The following ZNF518A variants were observed in gnomAD, a reference collection of about 807,000 sequenced individuals.
The protein encoded by ZNF518A is zinc finger protein 518A.
ZNF518A carries 47 observed loss-of-function variants against 102.7 expected under a neutral mutation model. That is an observed-to-expected ratio of 0.46 (90% confidence interval 0.36 to 0.58). The LOEUF (loss-of-function observed/expected upper bound fraction) is 0.58, where lower values mean the gene tolerates loss of function less well. ZNF518A is among the 20% of genes least tolerant of loss of function. The probability of loss-of-function intolerance (pLI) is 0.00; values close to 1 mark genes in which losing one functional copy is unlikely to be tolerated. For missense variants in ZNF518A, 1,793 were observed against 1,699.8 expected (o/e 1.05, Z -0.96); for synonymous variants, 652 against 594.6 (o/e 1.10, Z -1.40).
At chr10:96,185,297 C>G (rs1745154538) in intron 1 of ZNF518A, among the ~76,000 whole-genome samples, 1 of 152,214 alleles carries the variant, frequency 6.6e-6, no homozygotes, top group South Asian at 2.1e-4. Flanking sequence ...CTGAAGCCTA[C>G]TTCTGTCAGT....
At position 96,130,651 on chromosome 10, in the gene ZNF518A, CG is replaced by C. The variant is rs1472680757; in HGVS notation, c.-552del. Reference sequence around the variant, plus strand: ...CTATAGGTTCGCAGGCCCGACTCGACGGCGTCCCTATTGCTGGCCCAGCGTA... The same window carrying C: ...CTATAGGTTCGCAGGCCCGACTCGACGCGTCCCTATTGCTGGCCCAGCGTA... On this transcript the variant is annotated 5_prime_UTR_variant, in exon 1 of 6. Transcript: ENST00000316045. 3.3e-5 allele frequency: 5 copies of C among 152,362 alleles called. No homozygotes were observed. Among genetic ancestry groups the C allele is most frequent in the African/African-American group, 1.2e-4 (5 of 41,458 alleles). The allele number at this position is 152,362 out of a possible 1,614,324, so 9.4% of individuals were successfully genotyped here. A position where few individuals can be genotyped will look rare whatever the true frequency, so the allele number is the denominator to read the frequency against.
rs782248760 is a variant in ZNF518A, at chr10:96,197,038, C to T, written n.36-6536C>T. 6.2e-7 allele frequency: 1 copy of T among 1,612,816 alleles called. No homozygotes were observed. Among genetic ancestry groups the T allele is most frequent in the South Asian group, 1.1e-5 (1 of 90,914 alleles). On this transcript the variant is annotated intron_variant and non_coding_transcript_variant, in intron 1 of 2. Coordinates refer to the ZNF518A transcript ENST00000442635. ...TGGTTGTTTGGAATCATGGCCAGAGCTTTTCCGAATAAGAAATGATCCATC... is the reference window on the plus strand; with the variant it reads ...TGGTTGTTTGGAATCATGGCCAGAGTTTTTCCGAATAAGAAATGATCCATC...
chr10:96,156,857 T>C lies in ZNF518A; in HGVS notation c.535T>C (p.Cys179Arg). ...RRTHRSTLVK[C>R]DICNNESVYT... ...AACCCATAGAAGCACTTTAGTAAAATGTGACATTTGTAACAATGAGAGTGT... is the reference window on the plus strand; with the variant it reads ...AACCCATAGAAGCACTTTAGTAAAACGTGACATTTGTAACAATGAGAGTGT... The change falls in exon 6 of 6, where the codon TGT (cysteine) becomes CGT (arginine). Residue 179 changes from cysteine (C) to arginine (R), a missense_variant. Cys to Arg is a radical substitution (Grantham distance 180). This residue lies in a region of ZNF518A where 1,741 missense variants were observed against 1,622.6 expected (regional missense o/e 1.07). Coordinates refer to ENST00000316045, the MANE Select transcript of ZNF518A (RefSeq NM_001330736.2). 1 of 1,613,876 alleles carries C rather than the reference T, an allele frequency of 6.2e-7. No individual in the cohort carries two copies. Among genetic ancestry groups the C allele is most frequent in the Non-Finnish European group, 8.5e-7 (1 of 1,179,806 alleles).
chr10:96,146,802 C>T (rs1325104546), intron 3 of ZNF518A, among the ~76,000 whole-genome samples: 1 of 152,186 alleles, frequency 6.6e-6, no homozygotes, highest in East Asian at 1.9e-4. Flanking sequence ...ATTTTGGTGA[C>T]TATAAACACC....
At chr10:96,173,647 T>A (rs1317380129) in intron 1 of ZNF518A, among the ~76,000 whole-genome samples, 1 of 152,080 alleles carries the variant, frequency 6.6e-6, no homozygotes, top group Non-Finnish European at 1.5e-5. Flanking sequence ...CTGACAGAAT[T>A]GAAGGGAGAA....
At chr10:96,131,126 C>CA (rs1457579150) in intron 1 of ZNF518A, among the ~76,000 whole-genome samples, 4 of 152,104 alleles carry the variant, frequency 2.6e-5, no homozygotes, top group Non-Finnish European at 5.9e-5. Context: ...TAAAATAAGT[C>CA]AATGTTCAAG....
chr10:96,193,430 A>G (rs1353059648), intron 1 of ZNF518A, among the ~76,000 whole-genome samples: 1 of 152,216 alleles, frequency 6.6e-6, no homozygotes, highest in Non-Finnish European at 1.5e-5. Context: ...CAAATATCTC[A>G]TTCCGTCCCT....
chr10:96,203,299 A>G (rs1314751812), intron 1 of ZNF518A, among the ~76,000 whole-genome samples: 1 of 152,188 alleles, frequency 6.6e-6, no homozygotes, highest in African/African-American at 2.4e-5. Flanking sequence ...TTTTTTTTAA[A>G]AACTAGTAAA....
chr10:96,199,500 C>G (rs918795111), intron 1 of ZNF518A: 11 of 462,368 alleles, frequency 2.4e-5, no homozygotes, highest in African/African-American at 1.8e-4. Flanking sequence ...TTTCTCGTCT[C>G]CCACTGTTTG....
chr10:96,143,557 T>C (rs1484706625), intron 3 of ZNF518A, among the ~76,000 whole-genome samples: 4 of 152,210 alleles, frequency 2.6e-5, no homozygotes, highest in African/African-American at 9.7e-5. Flanking sequence ...ACAGTCATCG[T>C]TGATTTGTCA....
At chr10:96,164,445 G>A (rs1564796721), downstream of ZNF518A, among the ~76,000 whole-genome samples, 1 of 147,446 alleles carries the variant, frequency 6.8e-6, no homozygotes, top group Non-Finnish European at 1.5e-5. Context: ...TTGCTAGTTA[G>A]CAGAGTATGG....
chr10:96,132,478 G>GTTTTTTTTTTT (rs377722008), intron 1 of ZNF518A, 108 bp from the exon 2 acceptor site: 4 of 130,664 alleles, frequency 3.1e-5, no homozygotes, highest in African/African-American at 5.6e-5. Flanking sequence ...TTTTTTCTTA[G>GTTTTTTTTTTT]TTTTTTTTTT....
chr10:96,143,050 C>T (rs1004697368), intron 3 of ZNF518A, among the ~76,000 whole-genome samples: 29 of 152,090 alleles, frequency 1.9e-4, no homozygotes, highest in African/African-American at 6.5e-4. Flanking sequence ...TCAGGTGATC[C>T]GCCCGCTTTG....
Position 96,156,612 on chromosome 10 carries a change from C to G in ZNF518A, c.290C>G (p.Thr97Arg). The G allele has an allele frequency of 6.2e-7, 1 of 1,613,648 alleles. No individual in the cohort carries two copies. Among genetic ancestry groups the G allele is most frequent in the Non-Finnish European group, 8.5e-7 (1 of 1,179,738 alleles). Reference protein sequence around the residue: ...IKTVSCVEECTLLHKSERAEE... With the variant: ...IKTVSCVEECRLLHKSERAEE... ...ACTGTAAGCTGTGTAGAGGAGTGTA[C>G]ATTGCTTCATAAGTCTGAGAGAGCT... is the stretch of plus-strand genomic sequence containing the variant. The change falls in exon 6 of 6, where the codon ACA becomes AGA. Residue 97 changes from threonine (T) to arginine (R), a missense_variant. Physicochemically the swap from Thr to Arg is moderately conservative, Grantham distance 71. Transcript: ENST00000316045.
chr10:96,156,568 A>T lies in ZNF518A; in HGVS notation c.246A>T (p.Arg82Ser), dbSNP rs899248000. 1 of 1,613,198 alleles carries T rather than the reference A, an allele frequency of 6.2e-7. No individual in the cohort carries two copies. The highest frequency in any genetic ancestry group is 1.3e-5 in the African/African-American group (1 of 74,884). ...KLFQSKQQTA[R>S]KSISIKTVSC... ...TTCAGAGTAAACAGCAGACTGCAAG[A>T]AAATCTATCAGTATAAAGACTGTAA... The change falls in exon 6 of 6, where the codon AGA becomes AGT. Residue 82 changes from arginine (R) to serine (S), a missense_variant. Around this residue, in one of 3 missense-constraint regions of ZNF518A, gnomAD observed 1,741 missense variants for 1,622.6 expected, o/e 1.07. Transcript: ENST00000316045.
chr10:96,142,110 A>T (rs1246896970), intron 3 of ZNF518A, among the ~76,000 whole-genome samples: 1 of 152,204 alleles, frequency 6.6e-6, no homozygotes, highest in Non-Finnish European at 1.5e-5. Flanking sequence ...GGCTTTGGTT[A>T]CATATGTAAA....
At chr10:96,133,757 T>C (rs1181468441) in intron 3 of ZNF518A, 109 bp downstream of exon 3, 1 of 152,216 alleles carries the variant, frequency 6.6e-6, no homozygotes, top group Non-Finnish European at 1.5e-5. Context: ...TTAATTATCA[T>C]AATAACCGTG....
chr10:96,204,696 A>C, downstream of ZNF518A: 1 of 1,353,018 alleles, frequency 7.4e-7, no homozygotes, highest in Non-Finnish European at 1.1e-6. Flanking sequence ...TCAGCTGAGA[A>C]GAACCAAATT....
intron 1 of ZNF518A, among the ~76,000 whole-genome samples, chr10:96,168,955 T>C (rs1053622871): frequency 6.6e-5 from 10 of 152,252 alleles, no homozygotes; most frequent in Admixed American, 5.2e-4. Flanking sequence ...TATTCAAATA[T>C]TCTCCCTGAT....
Sources: gnomAD v4.1 joint callset for allele counts (sites outside exome capture counted in the v4.1 genomes callset) on GRCh38, gnomAD v4.1.1 for gene constraint, gnomAD v4.1.1 regional missense constraint, MANE v1.5 for transcripts, NCBI Gene and HGNC (gene_info 2026-07-23, HGNC 2026-07-21) for gene names.